IGF1R: variants seen among roughly 807,000 people sequenced by gnomAD.
IGF1R encodes insulin like growth factor 1 receptor, also known as insulin-like growth factor 1 receptor.
IGF1R carries 44 observed loss-of-function variants against 144.6 expected under a neutral mutation model. That is an observed-to-expected ratio of 0.30 (90% confidence interval 0.24 to 0.39). IGF1R has a LOEUF of 0.39. Among genes scored for constraint, IGF1R ranks in the 10% least tolerant of loss-of-function variants. The pLI, the probability that IGF1R is intolerant of heterozygous loss-of-function variation, is 1.00. For missense variants in IGF1R, 1,355 were observed against 1,833.7 expected, an observed-to-expected ratio of 0.74 and a Z score of 4.77; for synonymous variants, 795 against 722.8, an observed-to-expected ratio of 1.10 and a Z score of -1.60.
In IGF1R at chr15:98,773,348, G is replaced by T. The variant is rs1425766331; in HGVS notation, c.640+65241G>T. Among the ~76,000 whole-genome samples the T allele has an allele frequency of 3.3e-5, 5 of 152,326 alleles. No homozygotes were observed. The East Asian group carries it at 9.6e-4, about 29-fold the overall frequency. On this transcript the variant is annotated intron_variant, in intron 2 of 20. Transcript: ENST00000650285. Reference sequence around the variant, plus strand: ...CTTTACAAAAACTCCCGTAATTAATGAAGGTCAAGGCATCTGCAAACATTA... The same window carrying T: ...CTTTACAAAAACTCCCGTAATTAATTAAGGTCAAGGCATCTGCAAACATTA...
At position 98,707,906 on chromosome 15, in the gene IGF1R, G is replaced by T; in HGVS notation, c.439G>T (p.Ala147Ser). The change falls in exon 2 of 21, where the codon GCT (alanine) becomes TCT (serine). Residue 147 changes from alanine to serine, a missense_variant. This residue lies in a region of IGF1R where 880 missense variants were observed against 1,202.7 expected (regional missense o/e 0.73). Coordinates refer to ENST00000650285, the MANE Select transcript of IGF1R (RefSeq NM_000875.5). The surrounding 1 kb of genome is among the most constrained non-coding windows in gnomAD (Gnocchi z 6.7). ...TRGAIRIEKN[A>S]DLCYLSTVDW... Reference sequence around the variant, plus strand: ...GGGGGCCATCAGGATTGAGAAAAATGCTGACCTCTGTTACCTCTCCACTGT... The same window carrying T: ...GGGGGCCATCAGGATTGAGAAAAATTCTGACCTCTGTTACCTCTCCACTGT... 6.2e-7 allele frequency: 1 copy of T among 1,614,112 alleles called. No individual in the cohort carries two copies. Among genetic ancestry groups the T allele is most frequent in the Non-Finnish European group, 8.5e-7 (1 of 1,179,996 alleles).
chr15:98,707,924 T>G lies in IGF1R; in HGVS notation c.457T>G (p.Ser153Ala), dbSNP rs774104340. 1 of 1,614,048 alleles carries G rather than the reference T, an allele frequency of 6.2e-7. No individual in the cohort carries two copies. The highest frequency in any genetic ancestry group is 1.3e-5 in the African/African-American group (1 of 74,908). The change falls in exon 2 of 21, where the codon TCC becomes GCC. Residue 153 changes from serine to alanine, a missense_variant. Around this residue, in one of 7 missense-constraint regions of IGF1R, gnomAD observed 880 missense variants for 1,202.7 expected, o/e 0.73. Transcript: ENST00000650285. The surrounding 1 kb of genome is among the most constrained non-coding windows in gnomAD (Gnocchi z 6.7). ...IEKNADLCYL[S>A]TVDWSLILDA... ...GAAAAATGCTGACCTCTGTTACCTC[T>G]CCACTGTGGACTGGTCCCTGATCCT... is the stretch of plus-strand genomic sequence containing the variant.
At chr15:98,684,930 C>CTTT (rs5814891) in intron 1 of IGF1R, among the ~76,000 whole-genome samples, 10 of 113,436 alleles carry the variant, frequency 8.8e-5, no homozygotes, top group African/African-American at 2.8e-4. Flanking sequence ...CTTCCTTTTC[C>CTTT]TTTTTTTTTT....
chr15:98,852,617 G>A (rs1297721761), intron 2 of IGF1R, among the ~76,000 whole-genome samples: 2 of 152,170 alleles, frequency 1.3e-5, no homozygotes, highest in African/African-American at 4.8e-5. Flanking sequence ...CTAAGAAAGC[G>A]GGTGGAGGGT....
chr15:98,750,599 G>A (rs903367530), intron 2 of IGF1R, among the ~76,000 whole-genome samples: 1 of 152,166 alleles, frequency 6.6e-6, no homozygotes, highest in African/African-American at 2.4e-5. Context: ...TGTGGAGGGT[G>A]GATTGCTTGA....
Position 98,960,877 on chromosome 15 carries a change from T to C in IGF1R, c.*3435T>C, listed in dbSNP as rs2017197545. On this transcript the variant is annotated 3_prime_UTR_variant, in exon 21 of 21. Transcript: ENST00000650285. ...CAAACCTTCCGGCTGGAAAGCCCAG[T>C]GGCCGGCGCCGAGGCTCGTGGCGTC... 1 of 233,742 alleles carries C rather than the reference T, an allele frequency of 4.3e-6. No individual in the cohort carries two copies. Among genetic ancestry groups the C allele is most frequent in the South Asian group, 1.8e-4 (1 of 5,538 alleles). The allele number at this position is 233,742 out of a possible 1,614,324, so 14.5% of individuals were successfully genotyped here.
chr15:98,704,765 G>C lies in IGF1R; in HGVS notation c.95-2797G>C, dbSNP rs2053821673. ...GAGGGTGGTGTACCTTGGGAGGGAA[G>C]TGTGTAGGGTTGTTGAGGAACAGCG... On this transcript the variant is annotated intron_variant, in intron 1 of 20. Coordinates refer to ENST00000650285, the MANE Select transcript of IGF1R (RefSeq NM_000875.5). The surrounding 1 kb of genome is among the most constrained non-coding windows in gnomAD (Gnocchi z 4.9). Among the ~76,000 whole-genome samples, 1 of 152,134 alleles carries C rather than the reference G, an allele frequency of 6.6e-6. No homozygotes were observed. The highest frequency in any genetic ancestry group is 2.4e-5 in the African/African-American group (1 of 41,408).
intron 1 of IGF1R, among the ~76,000 whole-genome samples, chr15:98,664,881 G>A (rs1190545171): frequency 6.6e-6 from 1 of 151,448 alleles, no homozygotes; most frequent in Non-Finnish European, 1.5e-5. Context: ...ATACCCTTTG[G>A]GTGTGTATTG....
At chr15:98,725,651 C>T (rs962222270) in intron 2 of IGF1R, among the ~76,000 whole-genome samples, 30 of 152,232 alleles carry the variant, frequency 2.0e-4, no homozygotes, top group Non-Finnish European at 2.9e-5. Flanking sequence ...ACTGACCCCA[C>T]TCCCCGTCTG....
chr15:98,881,318 T>G (rs1462678746), intron 2 of IGF1R, among the ~76,000 whole-genome samples: 2 of 151,894 alleles, frequency 1.3e-5, no homozygotes, highest in Admixed American at 1.3e-4. Flanking sequence ...AAAATATTCA[T>G]TCATTTATTT....
chr15:98,908,649 G>T (rs2014847148), intron 5 of IGF1R, 36 bp from the exon 6 acceptor site: 1 of 1,564,260 alleles, frequency 6.4e-7, no homozygotes, highest in African/African-American at 1.4e-5. Context: ...CTGTGGCCAA[G>T]GGCAGGTGCG....
chr15:98,915,700 C>T (rs1049415051), intron 8 of IGF1R, among the ~76,000 whole-genome samples: 4 of 152,192 alleles, frequency 2.6e-5, no homozygotes, highest in African/African-American at 7.2e-5. Flanking sequence ...CTGCTTGTGC[C>T]CCCGCAGCCT....
chr15:98,939,083 A>G, intron 17 of IGF1R, 118 bp from the exon 18 acceptor site: 1 of 803,790 alleles, frequency 1.2e-6, no homozygotes, highest in Non-Finnish European at 2.1e-6. Flanking sequence ...CTGGTTTCTT[A>G]GCATAAACAA....
chr15:98,876,013 T>C (rs1318984346), intron 2 of IGF1R, among the ~76,000 whole-genome samples: 1 of 152,198 alleles, frequency 6.6e-6, no homozygotes, highest in African/African-American at 2.4e-5. Context: ...GTAAGTGATG[T>C]TGGGTGGGCC....
chr15:98,932,139 C>T (rs116920729), intron 15 of IGF1R, among the ~76,000 whole-genome samples: 2,086 of 152,300 alleles, frequency 0.014, 22 homozygotes, highest in Non-Finnish European at 0.022. Context: ...CTTGAATTCA[C>T]ATTTTGTGTC....
In IGF1R at chr15:98,916,679, C is replaced by T. The variant is rs2151682493; in HGVS notation, c.2004C>T (p.Ile668=). 1 of 1,613,920 alleles carries T rather than the reference C, an allele frequency of 6.2e-7. No homozygotes were observed. The highest frequency in any genetic ancestry group is 8.5e-7 in the Non-Finnish European group (1 of 1,179,864). Residue 668 remains isoleucine (I), a synonymous_variant, in exon 10 of 21, where the codon ATC becomes ATT. Coordinates refer to ENST00000650285, the MANE Select transcript of IGF1R (RefSeq NM_000875.5). ...YRHNYCSKDK[I]PIRKYADGTI... ...CTTTTCTTTTCCGAGAAGACAAAAT[C>T]CCCATCAGGAAGTATGCCGACGGCA... is the stretch of plus-strand genomic sequence containing the variant.
chr15:98,932,860 C>A (rs1407565937), intron 15 of IGF1R, among the ~76,000 whole-genome samples: 1 of 152,238 alleles, frequency 6.6e-6, no homozygotes, highest in Non-Finnish European at 1.5e-5. Flanking sequence ...TAATGAAGTT[C>A]ATATTGGACA....
At chr15:98,794,946 C>T (rs1043376866) in intron 2 of IGF1R, among the ~76,000 whole-genome samples, 1 of 152,216 alleles carries the variant, frequency 6.6e-6, no homozygotes, top group Non-Finnish European at 1.5e-5. Flanking sequence ...ACCTCCCCAA[C>T]CCCAGCCTTC....
Position 98,648,918 on chromosome 15 carries a change from G to C in IGF1R, c.-664G>C, listed in dbSNP as rs2052263661. ...CGGCGCAGAGCCGGGCGGCGCGGCG[G>C]GAGTGCTGAGCGCGGCGCGGCCGGC... is the stretch of plus-strand genomic sequence containing the variant. On this transcript the variant is annotated 5_prime_UTR_variant, in exon 1 of 21. Coordinates refer to ENST00000650285, the MANE Select transcript of IGF1R (RefSeq NM_000875.5). The C allele has an allele frequency of 5.9e-6, 1 of 168,292 alleles. No homozygotes were observed. Among genetic ancestry groups the C allele is most frequent in the Admixed American group, 6.6e-5 (1 of 15,206 alleles). The allele number at this position is 168,292 out of a possible 1,614,324, so 10.4% of individuals were successfully genotyped here. A position where few individuals can be genotyped will look rare whatever the true frequency, so the allele number is the denominator to read the frequency against.
Sources: gnomAD v4.1 joint callset for allele counts (sites outside exome capture counted in the v4.1 genomes callset) on GRCh38, gnomAD v4.1.1 for gene constraint, gnomAD v4.1.1 regional missense constraint, Gnocchi (gnomAD v3.1) non-coding constraint, MANE v1.5 for transcripts, NCBI Gene and HGNC (gene_info 2026-07-23, HGNC 2026-07-21) for gene names.